The following GRIP1 variants were observed in gnomAD, a reference collection of about 807,000 sequenced individuals.
The protein encoded by GRIP1 is glutamate receptor-interacting protein 1.
GRIP1 carries 45 observed loss-of-function variants against 129.9 expected under a neutral mutation model. That is an observed-to-expected ratio of 0.35 (90% CI 0.27 to 0.44). The LOEUF (loss-of-function observed/expected upper bound fraction) is 0.44, where lower values mean the gene tolerates loss of function less well. GRIP1 is among the 20% of genes least tolerant of loss of function. GRIP1 has a pLI of 1.00. For synonymous variants in GRIP1, 530 were observed against 520.8 expected (o/e 1.02, Z -0.24); for missense variants, 1,196 against 1,396.8 (o/e 0.86, Z 2.29).
At chr12:66,944,131 A>T (rs2041629963) in intron 1 of GRIP1, among the ~76,000 whole-genome samples, 1 of 152,164 alleles carries the variant, frequency 6.6e-6, no homozygotes, top group South Asian at 2.1e-4. Context: ...TGTTGACAGA[A>T]AGGACTTTCA....
chr12:66,686,780 A>G (rs2034800609), intron 1 of GRIP1, among the ~76,000 whole-genome samples: 1 of 152,234 alleles, frequency 6.6e-6, no homozygotes, highest in Non-Finnish European at 1.5e-5. Context: ...CTACAAAGCC[A>G]GGCCAGTGGC....
At chr12:66,807,163 T>G (rs2136938891), upstream of GRIP1, among the ~76,000 whole-genome samples, 1 of 152,176 alleles carries the variant, frequency 6.6e-6, no homozygotes, top group South Asian at 2.1e-4. Context: ...CGAGATCATT[T>G]TATTCAATTT....
chr12:66,822,207 G>A (rs12227836), intron 1 of GRIP1, among the ~76,000 whole-genome samples: 41,070 of 152,094 alleles, frequency 0.27, 6,360 homozygotes, highest in Non-Finnish European at 0.35. Context: ...AGGTGGCTTC[G>A]CCAATCTGTC....
At chr12:66,912,946 T>C (rs1371751686) in intron 1 of GRIP1, among the ~76,000 whole-genome samples, 2 of 152,166 alleles carry the variant, frequency 1.3e-5, no homozygotes, top group East Asian at 1.9e-4. Context: ...AAACCCATAA[T>C]GCAGGTACCA....
chr12:66,368,561 G>A (rs1251286794), intron 23 of GRIP1, among the ~76,000 whole-genome samples: 3 of 152,012 alleles, frequency 2.0e-5, no homozygotes, highest in African/African-American at 7.2e-5. Flanking sequence ...AGGCTCAGGG[G>A]ACTGAAAACC....
At position 66,960,395 on chromosome 12, in the gene GRIP1, G is replaced by C. The variant is rs149249048; in HGVS notation, c.58+108655C>G. On this transcript the variant is annotated intron_variant, in intron 1 of 1. Transcript: ENST00000643019. ...AATTGACTAGACACATGGAGTGAAG[G>C]AGACAGGTAGATGGAGGTGCCTTAT... is the stretch of plus-strand genomic sequence containing the variant. 1.1e-3 allele frequency among the ~76,000 whole-genome samples: 163 copies of C among 152,290 alleles called. 1 individual carries two copies. The highest frequency in any genetic ancestry group is 3.5e-3 in the African/African-American group (145 of 41,556).
chr12:66,658,104 TAATAAACATA>T (rs1204490720), intron 1 of GRIP1, among the ~76,000 whole-genome samples: 1 of 151,888 alleles, frequency 6.6e-6, no homozygotes, highest in Non-Finnish European at 1.5e-5. Flanking sequence ...TTTCAAAAGT[TAATAAACATA>T]AATAAACATA....
intron 8 of GRIP1, among the ~76,000 whole-genome samples, chr12:66,463,398 G>A (rs1308812014): frequency 6.6e-6 from 1 of 152,108 alleles, no homozygotes; most frequent in Non-Finnish European, 1.5e-5. Flanking sequence ...CAAGAGGAAA[G>A]GGAAAAACAG....
chr12:66,601,108 C>T (rs1002716702), intron 1 of GRIP1, among the ~76,000 whole-genome samples: 5 of 152,196 alleles, frequency 3.3e-5, no homozygotes, highest in African/African-American at 1.2e-4. Flanking sequence ...AAGCATTAGT[C>T]AAGCATACAC....
intron 1 of GRIP1, among the ~76,000 whole-genome samples, chr12:67,043,552 G>C (rs573071116): frequency 3.5e-4 from 54 of 152,206 alleles, no homozygotes; most frequent in African/African-American, 1.3e-3. Flanking sequence ...GCTTAGCCCA[G>C]AGCAAAAGAG....
chr12:66,568,736 G>A (rs75559963), intron 2 of GRIP1: 370 of 233,740 alleles, frequency 1.6e-3, no homozygotes, highest in African/African-American at 7.8e-3. Flanking sequence ...ATTTAGAGAA[G>A]CCATTGACAT....
chr12:66,870,186 A>T (rs945083981), intron 1 of GRIP1, among the ~76,000 whole-genome samples: 1 of 152,156 alleles, frequency 6.6e-6, no homozygotes, highest in Non-Finnish European at 1.5e-5. Context: ...AATCATAAGC[A>T]TATGACAGAA....
chr12:66,818,590 T>C (rs1410439774), intron 1 of GRIP1, among the ~76,000 whole-genome samples: 1 of 152,256 alleles, frequency 6.6e-6, no homozygotes, highest in Non-Finnish European at 1.5e-5. Flanking sequence ...ACAGTCATAG[T>C]ACTTTGGTAT....
At chr12:66,915,877 C>T (rs2041112849) in intron 1 of GRIP1, among the ~76,000 whole-genome samples, 1 of 152,220 alleles carries the variant, frequency 6.6e-6, no homozygotes, top group Admixed American at 6.5e-5. Flanking sequence ...CCTATTAACA[C>T]TCAGCCAAAA....
At chr12:66,486,673 A>G (rs139880248) in intron 7 of GRIP1, among the ~76,000 whole-genome samples, 3 of 152,292 alleles carry the variant, frequency 2.0e-5, no homozygotes, top group African/African-American at 4.8e-5. Context: ...CCCCAGCTAC[A>G]TGGAACTGTA....
In GRIP1 at chr12:66,815,856, C is replaced by CTTTCTTTCTTTCTTTCTT. The variant is rs11458006; in HGVS notation, c.59-218930_59-218929insAAGAAAGAAAGAAAGAAA. ...TCTTTCTTTCTTTCTTTCTTTCTTTCTCTCTCTCTCTCTCTCTCTCTCTCT... is the reference window on the plus strand; with the variant it reads ...TCTTTCTTTCTTTCTTTCTTTCTTTCTTTCTTTCTTTCTTTCTTTCTCTCTCTCTCTCTCTCTCTCTCT... On this transcript the variant is annotated intron_variant, in intron 1 of 1. Transcript: ENST00000643019. Among the ~76,000 whole-genome samples the CTTTCTTTCTTTCTTTCTT allele has an allele frequency of 1.6e-3, 214 of 134,126 alleles. 1 individual carries two copies. The highest frequency in any genetic ancestry group is 2.5e-3 in the African/African-American group (84 of 34,064). 88.0% of individuals were successfully genotyped at this position (134,126 alleles called of 152,430 possible).
intron 1 of GRIP1, among the ~76,000 whole-genome samples, chr12:66,783,186 A>G (rs1001710535): frequency 4.6e-5 from 7 of 152,046 alleles, no homozygotes; most frequent in Non-Finnish European, 7.4e-5. Context: ...ATGCATTACC[A>G]CACTTGGCTA....
At chr12:66,587,411 G>A (rs187539547) in intron 2 of GRIP1, among the ~76,000 whole-genome samples, 1 of 152,326 alleles carries the variant, frequency 6.6e-6, no homozygotes, top group East Asian at 1.9e-4. Flanking sequence ...ACTCTCTACT[G>A]TTTACACTAG....
At chr12:66,837,726 T>C (rs975200127) in intron 1 of GRIP1, among the ~76,000 whole-genome samples, 2 of 152,152 alleles carry the variant, frequency 1.3e-5, no homozygotes, top group Non-Finnish European at 2.9e-5. Flanking sequence ...GGGAGGTAGT[T>C]AGAAGCCTAT....
Sources: gnomAD v4.1 joint callset for allele counts (sites outside exome capture counted in the v4.1 genomes callset) on GRCh38, gnomAD v4.1.1 for gene constraint, MANE v1.5 for transcripts, NCBI Gene and HGNC (gene_info 2026-07-23, HGNC 2026-07-21) for gene names.